The following EPM2A variants were observed in gnomAD, a reference collection of about 807,000 sequenced individuals.
EPM2A encodes EPM2A glucan phosphatase, laforin.
In EPM2A, 21 loss-of-function variants were observed where a neutral mutation model predicts 26.5. The ratio of observed to expected loss-of-function variants is 0.79; its 90% confidence interval spans 0.56 to 1.14. EPM2A has a LOEUF of 1.14. Among genes scored for constraint, EPM2A ranks in the 50% most tolerant of loss-of-function variants. EPM2A has a pLI of 0.00. For missense variants in EPM2A, 458 were observed against 440.8 expected (o/e 1.04, Z -0.35); for synonymous variants, 217 against 177.6 (o/e 1.22, Z -1.76).
At chr6:145,476,218 A>G (rs1435046132) in intron 4 of EPM2A, among the ~76,000 whole-genome samples, 3 of 152,116 alleles carry the variant, frequency 2.0e-5, no homozygotes, top group African/African-American at 7.2e-5. Flanking sequence ...GGGTCGAGTC[A>G]GCAAGAAGAT....
In EPM2A at chr6:145,631,144, C is replaced by A. The variant is rs529999456; in HGVS notation, c.719-3451G>T. ...CTGCCCCACCCTAGAGGAGCCCTCTCAAGAGGACCATGTCTCTCTGCTTGA... is the reference window on the plus strand; with the variant it reads ...CTGCCCCACCCTAGAGGAGCCCTCTAAAGAGGACCATGTCTCTCTGCTTGA... On this transcript the variant is annotated intron_variant, in intron 3 of 3. Coordinates refer to ENST00000367519, the MANE Select transcript of EPM2A (RefSeq NM_005670.4). 4 of 152,034 alleles carry A rather than the reference C, an allele frequency of 2.6e-5. No homozygotes were observed. In the South Asian group the frequency reaches 8.3e-4, roughly 32 times the overall value. 9.4% of individuals were successfully genotyped at this position (152,034 alleles called of 1,614,324 possible).
intron 2 of EPM2A, among the ~76,000 whole-genome samples, chr6:145,655,707 T>C (rs1398557707): frequency 1.3e-5 from 2 of 152,078 alleles, no homozygotes; most frequent in Non-Finnish European, 2.9e-5. Context: ...TTGCCATAGA[T>C]AAAAATATTT....
Position 145,635,285 on chromosome 6 carries a change from C to A in EPM2A, c.678G>T (p.Leu226Phe). Residue 226 changes from leucine (L) to phenylalanine (F), a missense_variant, in exon 3 of 4, where the codon TTG (leucine) becomes TTT (phenylalanine). Physicochemically the swap from Leu to Phe is conservative, Grantham distance 22 (BLOSUM62 0). Transcript: ENST00000367519. ...CTGGTGTTGGCATCCAGATGTAGGC[C>A]AAGCCTTCTTCCCTATATAGTTTAA... ...TMIKLYREEG[L>F]AYIWMPTPDM... is the part of the protein sequence containing the mutation. 6.2e-7 allele frequency: 1 copy of A among 1,614,134 alleles called. No homozygotes were observed. Among genetic ancestry groups the A allele is most frequent in the Non-Finnish European group, 8.5e-7 (1 of 1,180,002 alleles).
At chr6:145,529,886 T>C (rs914801071) in intron 2 of EPM2A, among the ~76,000 whole-genome samples, 1 of 152,216 alleles carries the variant, frequency 6.6e-6, no homozygotes, top group Non-Finnish European at 1.5e-5. Context: ...ATATGACGCC[T>C]GAAATAAGTA....
At chr6:145,630,279 T>C (rs1776150948) in intron 3 of EPM2A, 1 of 152,118 alleles carries the variant, frequency 6.6e-6, no homozygotes, top group Non-Finnish European at 1.5e-5. Flanking sequence ...CACTGAAGAA[T>C]GAGCAAATGT....
At chr6:145,583,157 T>A (rs1305171290) in intron 2 of EPM2A, among the ~76,000 whole-genome samples, 1 of 152,226 alleles carries the variant, frequency 6.6e-6, no homozygotes, top group Non-Finnish European at 1.5e-5. Context: ...ATGTCCATCA[T>A]TTCAGCCATT....
intron 2 of EPM2A, among the ~76,000 whole-genome samples, chr6:145,549,700 C>T (rs1401533727): frequency 6.6e-6 from 1 of 152,124 alleles, no homozygotes; most frequent in Non-Finnish European, 1.5e-5. Flanking sequence ...GCTTCTAGGT[C>T]AGCTGTACCA....
chr6:145,623,304 A>G (rs1775676234), downstream of EPM2A, among the ~76,000 whole-genome samples: 2 of 152,194 alleles, frequency 1.3e-5, no homozygotes, highest in South Asian at 2.1e-4. Flanking sequence ...TAAAGCAGAG[A>G]CTGTGGATTG....
chr6:145,653,187 G>A (rs1164313903), intron 2 of EPM2A, among the ~76,000 whole-genome samples: 1 of 152,196 alleles, frequency 6.6e-6, no homozygotes, highest in East Asian at 1.9e-4. Flanking sequence ...GTTGAAGGAG[G>A]GACCTGTAAT....
At chr6:145,430,863 G>A (rs1778912218) in intron 4 of EPM2A, among the ~76,000 whole-genome samples, 1 of 152,126 alleles carries the variant, frequency 6.6e-6, no homozygotes, top group South Asian at 2.1e-4. Context: ...AATATTCATA[G>A]TTTCAGCCTC....
chr6:145,727,605 A>AG (rs1776276678), intron 1 of EPM2A, among the ~76,000 whole-genome samples: 1 of 152,148 alleles, frequency 6.6e-6, no homozygotes, highest in Non-Finnish European at 1.5e-5. Context: ...AGGATATAAA[A>AG]GAATGAATAA....
chr6:145,521,845 CTG>C (rs1407097919), intron 2 of EPM2A, among the ~76,000 whole-genome samples: 1 of 152,192 alleles, frequency 6.6e-6, no homozygotes, highest in Admixed American at 6.5e-5. Context: ...TACAGCATGA[CTG>C]TGTGACTAAT....
intron 2 of EPM2A, among the ~76,000 whole-genome samples, chr6:145,566,351 T>C (rs1027764697): frequency 6.6e-6 from 1 of 152,254 alleles, no homozygotes; most frequent in Non-Finnish European, 1.5e-5. Flanking sequence ...ACTGGAAATA[T>C]TAACTTCCCC....
At chr6:145,678,399 T>C (rs1780233114) in intron 2 of EPM2A, among the ~76,000 whole-genome samples, 1 of 151,996 alleles carries the variant, frequency 6.6e-6, no homozygotes, top group Non-Finnish European at 1.5e-5. Flanking sequence ...AATTGACAAA[T>C]GGGATCTAAT....
intron 2 of EPM2A, among the ~76,000 whole-genome samples, chr6:145,614,373 C>T (rs938252310): frequency 2.0e-5 from 3 of 152,166 alleles, no homozygotes; most frequent in Non-Finnish European, 4.4e-5. Flanking sequence ...GACTGTTTTG[C>T]CTTCTTACTA....
intron 2 of EPM2A, among the ~76,000 whole-genome samples, chr6:145,556,128 G>C (rs150823302): frequency 6.6e-6 from 1 of 152,090 alleles, no homozygotes; most frequent in East Asian, 1.9e-4. Flanking sequence ...TACACATTAG[G>C]TTTTTGTCCC....
intron 4 of EPM2A, among the ~76,000 whole-genome samples, chr6:145,417,687 T>C (rs954889273): frequency 1.3e-5 from 2 of 152,168 alleles, no homozygotes; most frequent in African/African-American, 4.8e-5. Flanking sequence ...GGTGACTTTT[T>C]TCTGAATATA....
intron 4 of EPM2A, among the ~76,000 whole-genome samples, chr6:145,411,169 T>C (rs1336013263): frequency 6.6e-6 from 1 of 152,196 alleles, no homozygotes; most frequent in Non-Finnish European, 1.5e-5. Flanking sequence ...ATTGTCAATT[T>C]TGAAACAGAG....
intron 1 of EPM2A, among the ~76,000 whole-genome samples, chr6:145,710,523 G>A (rs1282819831): frequency 6.6e-6 from 1 of 152,130 alleles, no homozygotes; most frequent in Non-Finnish European, 1.5e-5. Context: ...ACTGTTGGTG[G>A]GACTGTAAAC....
Sources: allele counts gnomAD v4.1 joint callset (sites outside exome capture counted in the v4.1 genomes callset), GRCh38; gene constraint gnomAD v4.1.1; transcripts MANE v1.5; gene names NCBI Gene and HGNC (gene_info 2026-07-23, HGNC 2026-07-21).